EPB41L1: variants seen among roughly 807,000 people sequenced by gnomAD.
EPB41L1 encodes erythrocyte membrane protein band 4.1 like 1, also known as band 4.1-like protein 1.
EPB41L1 carries 29 observed loss-of-function variants against 97.8 expected under a neutral mutation model. The ratio of observed to expected loss-of-function variants is 0.30; its 90% CI spans 0.22 to 0.40. EPB41L1 has a LOEUF of 0.40. Among genes scored for constraint, EPB41L1 ranks in the 10% least tolerant of loss-of-function variants. EPB41L1 has a pLI of 1.00. For synonymous variants in EPB41L1, 383 were observed against 459.2 expected (o/e 0.83, Z 2.12); for missense variants, 812 against 1,162.3 (o/e 0.70, Z 4.38).
intron 14 of EPB41L1, among the ~76,000 whole-genome samples, chr20:36,208,855 TC>T (rs912255553): frequency 6.6e-6 from 1 of 152,144 alleles, no homozygotes; most frequent in Non-Finnish European, 1.5e-5. Flanking sequence ...TGTGGTCCAC[TC>T]ATGGAGCCCA....
At position 36,225,146 on chromosome 20, in the gene EPB41L1, A is replaced by C. The variant is rs766120065; in HGVS notation, c.2637+2752A>C. Reference sequence around the variant, plus strand: ...CCTATCTAGGAAAATTTTAAATTGCATATGTAGTTCACATTCTATTTCTAT... The same window carrying C: ...CCTATCTAGGAAAATTTTAAATTGCCTATGTAGTTCACATTCTATTTCTAT... On this transcript the variant is annotated intron_variant, in intron 21 of 21. Coordinates refer to ENST00000338074, the MANE Select transcript of EPB41L1 (RefSeq NM_012156.2). Among the ~76,000 whole-genome samples, 133 of 152,220 alleles carry C rather than the reference A, an allele frequency of 8.7e-4. 2 individuals carry two copies. The highest frequency in any genetic ancestry group is 3.1e-4 in the Non-Finnish European group (21 of 68,036).
chr20:36,191,022 G>GATTCCCC (rs1300789741), intron 11 of EPB41L1, among the ~76,000 whole-genome samples: 3 of 152,148 alleles, frequency 2.0e-5, no homozygotes, highest in African/African-American at 7.2e-5. Flanking sequence ...CCACTCTCTG[G>GATTCCCC]ATTCCCCACA....
At chr20:36,158,776 A>G (rs904608908) in intron 1 of EPB41L1, among the ~76,000 whole-genome samples, 1 of 152,240 alleles carries the variant, frequency 6.6e-6, no homozygotes, top group Non-Finnish European at 1.5e-5. Context: ...TGGTTGTTAT[A>G]TAAAGCACCT....
intron 7 of EPB41L1, among the ~76,000 whole-genome samples, chr20:36,187,289 G>A (rs931970781): frequency 6.6e-6 from 1 of 152,182 alleles, no homozygotes; most frequent in Non-Finnish European, 1.5e-5. Context: ...GAAATATCCT[G>A]TGTGGGTAAT....
intron 1 of EPB41L1, among the ~76,000 whole-genome samples, chr20:36,169,977 C>T (rs913907492): frequency 6.6e-6 from 1 of 152,210 alleles, no homozygotes; most frequent in African/African-American, 2.4e-5. Context: ...CCAGCCTAGC[C>T]GCACAGCAGG....
chr20:36,222,454 T>TGAGGGCCATTTCCTC, intron 21 of EPB41L1, 60 bp downstream of exon 21: 1 of 1,350,442 alleles, frequency 7.4e-7, no homozygotes, highest in Non-Finnish European at 1.1e-6. Context: ...CAAGATCCTC[T>TGAGGGCCATTTCCTC]GAGGGCCATT....
intron 1 of EPB41L1, among the ~76,000 whole-genome samples, chr20:36,169,221 C>CAAAAAAA (rs1351633399): frequency 1.4e-5 from 1 of 73,390 alleles, no homozygotes; most frequent in African/African-American, 5.0e-5. Context: ...GACTCTGTCT[C>CAAAAAAA]AAAAAAAAAA....
chr20:36,121,409 G>A (rs2058749028), intron 2 of EPB41L1, among the ~76,000 whole-genome samples: 1 of 152,180 alleles, frequency 6.6e-6, no homozygotes, highest in Non-Finnish European at 1.5e-5. Flanking sequence ...GAGGTAGCAT[G>A]TGCTGGGAGC....
Position 36,190,814 on chromosome 20 carries a change from AGGGCT to A in EPB41L1, c.1300+22_1300+26del, listed in dbSNP as rs374204823. Reference sequence around the variant, plus strand: ...TTGATGGAGGTATGGCCCAAATTGGAGGGCTGGGCGGGGAATGGTCTTCAGAGGGA... The same window carrying A: ...TTGATGGAGGTATGGCCCAAATTGGAGGGCGGGGAATGGTCTTCAGAGGGA... On this transcript the variant is annotated intron_variant, in intron 11 of 21. Coordinates refer to ENST00000338074, the MANE Select transcript of EPB41L1 (RefSeq NM_012156.2). This position sits in a 1 kb window ranked among gnomAD's most constrained non-coding sequence, Gnocchi z 5.8. 2.5e-5 allele frequency: 40 copies of A among 1,612,438 alleles called. 1 individual carries two copies. In the African/African-American group the frequency reaches 2.8e-4, roughly 11 times the overall value.
intron 2 of EPB41L1, chr20:36,125,284 T>A (rs954814831): frequency 5.0e-6 from 3 of 605,112 alleles, no homozygotes; most frequent in South Asian, 3.9e-5. Flanking sequence ...GGCCATTACA[T>A]TGTTTCTGGG....
intron 1 of EPB41L1, among the ~76,000 whole-genome samples, chr20:36,094,540 A>G (rs749413812): frequency 2.0e-5 from 3 of 152,202 alleles, no homozygotes; most frequent in Non-Finnish European, 2.9e-5. Context: ...TCTTCCCCGT[A>G]ACGTCACATC....
At chr20:36,129,993 G>A (rs2059132959) in intron 2 of EPB41L1, among the ~76,000 whole-genome samples, 1 of 149,978 alleles carries the variant, frequency 6.7e-6, no homozygotes, top group African/African-American at 2.5e-5. Flanking sequence ...TCAGCCTGGA[G>A]TGCAGTGGCG....
chr20:36,227,311 G>A (rs1258798639), intron 21 of EPB41L1, among the ~76,000 whole-genome samples: 3 of 151,622 alleles, frequency 2.0e-5, no homozygotes, highest in Non-Finnish European at 4.4e-5. Context: ...GCAAGACCCT[G>A]TAAAAAACAA....
intron 1 of EPB41L1, among the ~76,000 whole-genome samples, chr20:36,101,263 A>G (rs1569009196): frequency 6.6e-6 from 1 of 152,250 alleles, no homozygotes; most frequent in Middle Eastern, 3.4e-3. Context: ...CCTGAGGGCC[A>G]GAGGGAGGTG....
chr20:36,207,206 A>G lies in EPB41L1; in HGVS notation c.1669-2282A>G, dbSNP rs1374483540. 3 of 1,285,062 alleles carry G rather than the reference A, an allele frequency of 2.3e-6. No individual in the cohort carries two copies. Among genetic ancestry groups the G allele is most frequent in the African/African-American group, 1.5e-5 (1 of 65,782 alleles). 79.6% of individuals were successfully genotyped at this position (1,285,062 alleles called of 1,614,324 possible). A position where few individuals can be genotyped will look rare whatever the true frequency, so the allele number is the denominator to read the frequency against. ...AGGGAGCCCTTTCTTAGACATGTCC[A>G]TCTTTCGAAAGCCAGCCCAGAGCCC... On this transcript the variant is annotated intron_variant, in intron 14 of 21. Coordinates refer to ENST00000338074, the MANE Select transcript of EPB41L1 (RefSeq NM_012156.2). The surrounding 1 kb of genome is among the most constrained non-coding windows in gnomAD (Gnocchi z 4.9).
At chr20:36,157,271 A>G (rs765490759) in intron 1 of EPB41L1, among the ~76,000 whole-genome samples, 2 of 152,204 alleles carry the variant, frequency 1.3e-5, no homozygotes, top group African/African-American at 2.4e-5. Flanking sequence ...CTGGAGATAA[A>G]TACCAATGAT....
At chr20:36,103,594 G>A (rs1014786116) in intron 1 of EPB41L1, among the ~76,000 whole-genome samples, 15 of 152,078 alleles carry the variant, frequency 9.9e-5, no homozygotes, top group African/African-American at 2.9e-4. Context: ...ATTAACTGAA[G>A]TGCTTTGTGT....
intron 1 of EPB41L1, among the ~76,000 whole-genome samples, chr20:36,096,813 T>G (rs974479287): frequency 5.9e-5 from 9 of 152,266 alleles, no homozygotes; most frequent in African/African-American, 2.2e-4. Flanking sequence ...TGACTTATGA[T>G]TTGTGTTCAA....
intron 2 of EPB41L1, among the ~76,000 whole-genome samples, chr20:36,116,999 G>A (rs778481184): frequency 3.3e-5 from 5 of 152,198 alleles, no homozygotes; most frequent in Non-Finnish European, 5.9e-5. Flanking sequence ...AGGTTCAGAG[G>A]AGGAAAATGA....
Sources: gnomAD v4.1 joint callset for allele counts (sites outside exome capture counted in the v4.1 genomes callset) on GRCh38, gnomAD v4.1.1 for gene constraint, Gnocchi (gnomAD v3.1) non-coding constraint, MANE v1.5 for transcripts, NCBI Gene and HGNC (gene_info 2026-07-23, HGNC 2026-07-21) for gene names.